Variants in ADGRG2 observed in about 807,000 individuals in gnomAD.
ADGRG2 encodes adhesion G protein-coupled receptor G2, also known as G protein-coupled receptor 64.
A neutral mutation model predicts 74.1 loss-of-function variants in ADGRG2; 26 were observed. The observed-to-expected ratio is 0.35, with a 90% confidence interval of 0.26 to 0.49. The LOEUF is 0.49. ADGRG2 is among the 20% of genes least tolerant of loss of function. ADGRG2 has a pLI of 0.99. For synonymous variants in ADGRG2, 296 were observed against 295.2 expected (o/e 1.00, Z -0.03); for missense variants, 619 against 763.1 (o/e 0.81, Z 2.22).
chrX:19,096,743 T>A (rs1602108890), intron 1 of ADGRG2, among the ~76,000 whole-genome samples: 3 of 112,086 alleles, frequency 2.7e-5, no homozygotes. Context: ...TCACAAGTCA[T>A]GGGATAAAGT....
chrX:19,116,688 T>TCTG (rs1424145139), intron 1 of ADGRG2, among the ~76,000 whole-genome samples: 3 of 110,558 alleles, frequency 2.7e-5, no homozygotes, highest in African/African-American at 6.6e-5. Flanking sequence ...TCTCAGAGCA[T>TCTG]AATAAATGAA....
At chrX:19,078,833 C>T (rs1033153462) in intron 2 of ADGRG2, among the ~76,000 whole-genome samples, 10 of 107,861 alleles carry the variant, frequency 9.3e-5, no homozygotes, top group African/African-American at 3.0e-4. Context: ...ACAAAGCCAA[C>T]GTTGCTCTTT....
chrX:19,021,093 A>G lies in ADGRG2; in HGVS notation c.643+11T>C, dbSNP rs1399589987. The G allele has an allele frequency of 2.4e-6, 2 of 843,499 alleles. No individual in the cohort carries two copies. The highest frequency in any genetic ancestry group is 4.6e-5 in the Admixed American group (2 of 43,946). 69.5% of individuals were successfully genotyped at this position (843,499 alleles called of 1,213,427 possible). On this transcript the variant is annotated intron_variant, in intron 14 of 28. Coordinates refer to ENST00000379869, the MANE Select transcript of ADGRG2 (RefSeq NM_001079858.3). ...ACATGAAGATTAATGCAGCAATAAT[A>G]GACAACTTACCCATTGGTCGAATCT...
chrX:19,036,889 A>G (rs1211105494), intron 6 of ADGRG2, among the ~76,000 whole-genome samples: 1 of 111,226 alleles, frequency 9.0e-6, no homozygotes, highest in Non-Finnish European at 1.9e-5. Context: ...TTTCATCGCA[A>G]TAAGATGGAA....
intron 18 of ADGRG2, among the ~76,000 whole-genome samples, chrX:19,009,177 C>G (rs1427833149): frequency 9.2e-6 from 1 of 108,716 alleles, no homozygotes; most frequent in Non-Finnish European, 1.9e-5. Context: ...CCAAGACCAA[C>G]GTCTTTTTTT....
chrX:19,055,240 TTGTGTGTGTGTGTG>T (rs35438679), intron 3 of ADGRG2, among the ~76,000 whole-genome samples: 1 of 103,664 alleles, frequency 9.6e-6, no homozygotes, highest in East Asian at 3.1e-4. Context: ...GCAAATCCCT[TTGTGTGTGTGTGTG>T]TGTGTGTGTG....
At chrX:19,121,673 C>A (rs1324572358) in intron 1 of ADGRG2, among the ~76,000 whole-genome samples, 1 of 110,386 alleles carries the variant, frequency 9.1e-6, no homozygotes, top group Non-Finnish European at 1.9e-5. Flanking sequence ...CCCAGACCTG[C>A]GGGATCAGAA....
chrX:19,030,788 A>G (rs1013604242), intron 9 of ADGRG2, among the ~76,000 whole-genome samples, 196 bp downstream of exon 9: 2 of 112,375 alleles, frequency 1.8e-5, no homozygotes, highest in Non-Finnish European at 3.8e-5. Context: ...CCATCTTCTC[A>G]CTAGGCAACG....
chrX:18,995,726 C>T (rs1363716625), intron 27 of ADGRG2, among the ~76,000 whole-genome samples: 1 of 111,648 alleles, frequency 9.0e-6, no homozygotes, highest in African/African-American at 3.3e-5. Flanking sequence ...TAAAAATTAC[C>T]AAGGTAAATA....
chrX:19,085,497 T>C (rs1409785149), intron 1 of ADGRG2, among the ~76,000 whole-genome samples: 1 of 110,278 alleles, frequency 9.1e-6, no homozygotes, highest in Non-Finnish European at 1.9e-5. Flanking sequence ...CTCGGCTAAT[T>C]TGTTAGTTTT....
Position 19,004,832 on chromosome X carries a change from C to T in ADGRG2, c.1887G>A (p.Thr629=), listed in dbSNP as rs1892735093. ...GCCCACAACCAATATATGTAATGAA[C>T]GTCAGAGCCATCATTTGAGCAGGCA... The part of the protein sequence containing the change: ...SVLPAQMMAL[T]FITYIGCGLS... The change falls in exon 23 of 29, where the codon ACG becomes ACA. Residue 629 remains threonine, a synonymous_variant. Transcript: ENST00000379869. 4 of 1,199,810 alleles carry T rather than the reference C, an allele frequency of 3.3e-6. No homozygotes were observed. Among genetic ancestry groups the T allele is most frequent in the Non-Finnish European group, 3.4e-6 (3 of 886,227 alleles).
intron 13 of ADGRG2, 92 bp downstream of exon 13, chrX:19,023,324 C>T (rs997459264): frequency 1.2e-5 from 6 of 491,276 alleles, no homozygotes; most frequent in Non-Finnish European, 2.0e-5. Context: ...TAGAGGACCC[C>T]CTTTGCATTT....
chrX:19,059,491 T>G (rs868412391), intron 3 of ADGRG2, among the ~76,000 whole-genome samples: 3 of 111,528 alleles, frequency 2.7e-5, no homozygotes, highest in African/African-American at 9.8e-5. Context: ...CGTGAGATGA[T>G]GTATGCGAAG....
intron 1 of ADGRG2, among the ~76,000 whole-genome samples, chrX:19,083,603 G>A (rs193214908): frequency 2.7e-5 from 3 of 111,529 alleles, no homozygotes; most frequent in Non-Finnish European, 5.7e-5. Context: ...TTGGCTCAGA[G>A]TTGAAAGGGG....
chrX:19,097,691 C>T (rs193143025), intron 1 of ADGRG2, among the ~76,000 whole-genome samples: 4 of 111,644 alleles, frequency 3.6e-5, no homozygotes, highest in Admixed American at 2.9e-4. Context: ...CATCTCCTCC[C>T]CACCCCGGCC....
At chrX:18,997,577 A>T (rs763105688) in intron 26 of ADGRG2, among the ~76,000 whole-genome samples, 15 of 112,640 alleles carry the variant, frequency 1.3e-4, no homozygotes, top group African/African-American at 9.7e-5. Context: ...TTGGTTTTGT[A>T]TGTAATACCA....
chrX:19,004,798 T>C lies in ADGRG2; in HGVS notation c.1921A>G (p.Ile641Val), dbSNP rs1214504984. 5.0e-6 allele frequency: 6 copies of C among 1,207,016 alleles called. No homozygotes were observed. The highest frequency in any genetic ancestry group is 3.0e-5 in the East Asian group (1 of 33,810). The change falls in exon 23 of 29, where the codon ATT becomes GTT. Residue 641 changes from isoleucine (I) to valine (V), a missense_variant. Ile to Val is a conservative substitution (Grantham distance 29). Around this residue, in one of 3 missense-constraint regions of ADGRG2, gnomAD observed 221 missense variants for 340.6 expected, o/e 0.65. Transcript: ENST00000379869. ...ITYIGCGLSS[I>V]FLSVTLVTYI... ...GTTACAAGAGTCACTGACAGAAAAA[T>C]TGATGAAAGCCCACAACCAATATAT...
intron 3 of ADGRG2, 107 bp downstream of exon 3, chrX:19,068,609 GA>G (rs2061602872): frequency 2.4e-6 from 1 of 424,849 alleles, no homozygotes; most frequent in Admixed American, 3.9e-5. Context: ...TGGTTAAAAT[GA>G]TAAATATTAT....
At chrX:19,068,467 A>C (rs1363296091) in intron 3 of ADGRG2, among the ~76,000 whole-genome samples, 2 of 111,201 alleles carry the variant, frequency 1.8e-5, no homozygotes, top group Non-Finnish European at 3.8e-5. Flanking sequence ...GGGGGGAAGG[A>C]AATTGGGAGT....
Sources: allele counts gnomAD v4.1 joint callset (sites outside exome capture counted in the v4.1 genomes callset), GRCh38; gene constraint gnomAD v4.1.1; regional missense constraint gnomAD v4.1.1; transcripts MANE v1.5; gene names NCBI Gene and HGNC (gene_info 2026-07-23, HGNC 2026-07-21).